DLG2: variants seen among roughly 807,000 people sequenced by gnomAD.
DLG2 encodes the protein discs large MAGUK scaffold protein 2, also known as disks large homolog 2.
Under a neutral mutation model 132.5 loss-of-function variants are expected in DLG2, and 45 were observed. The observed-to-expected ratio is 0.34, with a 90% confidence interval of 0.27 to 0.44. DLG2 has a LOEUF of 0.44. Ranked by LOEUF, DLG2 falls within the 20% of genes least tolerant of loss-of-function variation. The probability of loss-of-function intolerance (pLI) is 1.00; values close to 1 mark genes in which losing one functional copy is unlikely to be tolerated. For synonymous variants in DLG2, 424 were observed against 419.6 expected (o/e 1.01, Z -0.13); for missense variants, 1,045 against 1,196.9 (o/e 0.87, Z 1.87).
intron 15 of DLG2, among the ~76,000 whole-genome samples, chr11:83,908,266 G>A (rs2075391431): frequency 6.6e-6 from 1 of 151,972 alleles, no homozygotes; most frequent in Admixed American, 6.6e-5. Flanking sequence ...GTTCATAGAT[G>A]CCTTCTCATC....
chr11:83,575,915 A>G (rs2096866657), intron 19 of DLG2, among the ~76,000 whole-genome samples: 1 of 152,208 alleles, frequency 6.6e-6, no homozygotes, highest in South Asian at 2.1e-4. Context: ...GTAGAACAAT[A>G]TGACTGACAA....
intron 7 of DLG2, among the ~76,000 whole-genome samples, chr11:84,364,517 A>G (rs545400105): frequency 4.6e-5 from 7 of 152,036 alleles, no homozygotes; most frequent in African/African-American, 4.8e-5. Flanking sequence ...TCTCCTGCCT[A>G]ATTGCCCTAG....
chr11:85,171,798 G>A (rs1172260162), intron 4 of DLG2, among the ~76,000 whole-genome samples: 1 of 152,206 alleles, frequency 6.6e-6, no homozygotes, highest in Non-Finnish European at 1.5e-5. Context: ...AGTCCAGGCT[G>A]TCTGGACTGG....
intron 11 of DLG2, among the ~76,000 whole-genome samples, chr11:83,995,971 A>T (rs962637968): frequency 1.3e-5 from 2 of 152,172 alleles, no homozygotes; most frequent in African/African-American, 4.8e-5. Flanking sequence ...GTTAATGGAC[A>T]AATGGGATCA....
At chr11:84,965,129 C>T (rs558668698) in intron 6 of DLG2, among the ~76,000 whole-genome samples, 37 of 152,188 alleles carry the variant, frequency 2.4e-4, no homozygotes, top group Non-Finnish European at 4.3e-4. Context: ...ACTGCACCTA[C>T]TACTGTAGGA....
intron 7 of DLG2, among the ~76,000 whole-genome samples, chr11:84,498,956 G>A (rs1231508511): frequency 6.6e-6 from 1 of 152,186 alleles, no homozygotes; most frequent in Non-Finnish European, 1.5e-5. Flanking sequence ...TGAAGGATGA[G>A]TTGCTTAGAC....
chr11:83,928,244 A>G (rs1354723941), intron 15 of DLG2, among the ~76,000 whole-genome samples: 1 of 152,048 alleles, frequency 6.6e-6, no homozygotes, highest in Non-Finnish European at 1.5e-5. Context: ...TATCAGAATT[A>G]GGGTGTGTAA....
chr11:84,197,687 T>G (rs151186921), intron 8 of DLG2, among the ~76,000 whole-genome samples: 2 of 152,218 alleles, frequency 1.3e-5, no homozygotes, highest in African/African-American at 4.8e-5. Flanking sequence ...AATCTAAATG[T>G]TGACAACAAA....
chr11:83,462,047 C>T lies in DLG2; in HGVS notation c.2776G>A (p.Asp926Asn), dbSNP rs868505277. ...LTEEQAKKTY[D>N]RAIKLEQEFG... is the part of the protein sequence containing the mutation. The stretch of plus-strand genomic sequence containing the variant: ...TCTTGTTCTAGCTTAATTGCTCGAT[C>T]ATAGGTTTTCTTGGCTTGTTCCTCT... The change falls in exon 27 of 28, where the codon GAT (aspartate) becomes AAT (asparagine). Residue 926 changes from aspartate (D) to asparagine (N), a missense_variant. By Grantham distance (23) the Asp-to-Asn change is conservative. Around this residue, in one of 4 missense-constraint regions of DLG2, gnomAD observed 398 missense variants for 543.6 expected, o/e 0.73. Coordinates refer to ENST00000376104, the MANE Select transcript of DLG2 (RefSeq NM_001142699.3). The T allele has an allele frequency of 6.2e-7, 1 of 1,613,724 alleles. No individual in the cohort carries two copies.
chr11:84,224,875 A>G (rs888165025), intron 8 of DLG2, among the ~76,000 whole-genome samples: 2 of 152,232 alleles, frequency 1.3e-5, no homozygotes, highest in Non-Finnish European at 2.9e-5. Context: ...CTTTCTTTGT[A>G]TATGACTGTC....
intron 7 of DLG2, among the ~76,000 whole-genome samples, chr11:84,326,642 G>C (rs998649942): frequency 6.6e-6 from 1 of 152,130 alleles, no homozygotes; most frequent in Admixed American, 6.5e-5. Flanking sequence ...GACCTAATAT[G>C]TCATCTATCC....
At chr11:85,120,274 T>G (rs1310054129) in intron 5 of DLG2, among the ~76,000 whole-genome samples, 1 of 152,096 alleles carries the variant, frequency 6.6e-6, no homozygotes, top group Non-Finnish European at 1.5e-5. Flanking sequence ...GTAGATCAAG[T>G]GCCATGGCCA....
intron 6 of DLG2, among the ~76,000 whole-genome samples, chr11:84,625,209 T>G (rs1223221139): frequency 6.6e-6 from 1 of 152,062 alleles, no homozygotes; most frequent in Non-Finnish European, 1.5e-5. Context: ...ATTTGAAGAA[T>G]GAAACATCTA....
intron 19 of DLG2, among the ~76,000 whole-genome samples, chr11:83,627,290 T>C (rs181167829): frequency 3.5e-3 from 536 of 152,180 alleles, no homozygotes; most frequent in African/African-American, 0.012. Context: ...ATGTGCCATG[T>C]TGGTGTGCTG....
At chr11:84,362,490 C>A (rs1002712701) in intron 7 of DLG2, among the ~76,000 whole-genome samples, 8 of 150,364 alleles carry the variant, frequency 5.3e-5, no homozygotes, top group Non-Finnish European at 1.0e-4. Context: ...TTCAAATAAT[C>A]CTCTTTTTTT....
At chr11:85,264,915 G>A (rs1311256483) in intron 4 of DLG2, among the ~76,000 whole-genome samples, 1 of 152,094 alleles carries the variant, frequency 6.6e-6, no homozygotes, top group African/African-American at 2.4e-5. Flanking sequence ...ATTACGTAAG[G>A]TTCTTATTAA....
intron 6 of DLG2, among the ~76,000 whole-genome samples, chr11:85,068,221 T>C (rs1308072850): frequency 6.6e-6 from 1 of 152,078 alleles, no homozygotes; most frequent in Non-Finnish European, 1.5e-5. Context: ...CCTGGAAGCA[T>C]TCCCTTTGAA....
intron 14 of DLG2, among the ~76,000 whole-genome samples, chr11:83,950,951 T>A (rs945484680): frequency 8.5e-5 from 13 of 152,050 alleles, no homozygotes; most frequent in African/African-American, 3.1e-4. Flanking sequence ...GCTGTCTTTT[T>A]GAAGATATTA....
intron 7 of DLG2, among the ~76,000 whole-genome samples, chr11:84,321,444 T>C (rs2098404297): frequency 6.6e-6 from 1 of 152,172 alleles, no homozygotes; most frequent in South Asian, 2.1e-4. Flanking sequence ...CTATAATCTT[T>C]AAAGTAGTTT....
Sources: gnomAD v4.1 joint callset for allele counts (sites outside exome capture counted in the v4.1 genomes callset) on GRCh38, gnomAD v4.1.1 for gene constraint, gnomAD v4.1.1 regional missense constraint, MANE v1.5 for transcripts, NCBI Gene and HGNC (gene_info 2026-07-23, HGNC 2026-07-21) for gene names.